Variants in TIAM1 observed in about 807,000 individuals in gnomAD.
TIAM1 encodes the protein TIAM Rac1 associated GEF 1, also known as rho guanine nucleotide exchange factor TIAM1.
TIAM1 carries 65 observed loss-of-function variants against 163.5 expected under a neutral mutation model. The observed-to-expected ratio is 0.40, with a 90% CI of 0.33 to 0.49. The LOEUF (loss-of-function observed/expected upper bound fraction) is 0.49. TIAM1 is among the 20% of genes least tolerant of loss of function. The pLI, the probability that TIAM1 is intolerant of heterozygous loss-of-function variation, is 0.77. For missense variants in TIAM1, 1,789 were observed against 2,044.7 expected (o/e 0.87, Z 2.41); for synonymous variants, 833 against 810.1 (o/e 1.03, Z -0.48).
intron 20 of TIAM1, among the ~76,000 whole-genome samples, chr21:31,145,245 G>A (rs1405192547): frequency 2.0e-5 from 3 of 152,170 alleles, no homozygotes. Context: ...CGTTAAGACT[G>A]TTTTTATCTG....
intron 8 of TIAM1, among the ~76,000 whole-genome samples, chr21:31,220,571 T>C (rs1356239281): frequency 6.6e-6 from 1 of 152,222 alleles, no homozygotes; most frequent in East Asian, 1.9e-4. Context: ...AAAGAGAAAT[T>C]CATACACCCA....
chr21:31,382,609 C>T lies in TIAM1; in HGVS notation c.-368-43187G>A, dbSNP rs143506710. On this transcript the variant is annotated intron_variant, in intron 2 of 28. Coordinates refer to the TIAM1 transcript ENST00000286827. ...CTCTCTGAAAAGGCAATTAATGAGA[C>T]GGATGTAGCACACTGAATGAGAGGA... Among the ~76,000 whole-genome samples, 176 of 152,242 alleles carry T rather than the reference C, an allele frequency of 1.2e-3. 1 individual carries two copies. The highest frequency in any genetic ancestry group is 1.8e-3 in the African/African-American group (75 of 41,550).
rs772529354 is a variant in TIAM1 at position 31,217,646 on chromosome 21, G to A, written c.2049C>T (p.Ser683=). 3 of 1,614,024 alleles carry A rather than the reference G, an allele frequency of 1.9e-6. No individual in the cohort carries two copies. The highest frequency in any genetic ancestry group is 3.3e-5 in the Admixed American group (2 of 60,000). The stretch of plus-strand genomic sequence containing the variant: ...TGCTCCTTCGCTTGCTCGCGGATCT[G>A]GACATGGCCTGAGTACGTCTTCTCA... The part of the protein sequence containing the change: ...TGVRRRTQAM[S]RSASKRRSRF... Residue 683 remains serine, a synonymous_variant, in exon 9 of 28, where the codon TCC becomes TCT. Coordinates refer to ENST00000541036, the MANE Select transcript of TIAM1 (RefSeq NM_001353694.2).
At chr21:31,127,328 T>C (rs1355260443) in intron 25 of TIAM1, among the ~76,000 whole-genome samples, 176 bp from the exon 26 acceptor site, 1 of 152,058 alleles carries the variant, frequency 6.6e-6, no homozygotes, top group Non-Finnish European at 1.5e-5. Flanking sequence ...GAAAGCTTAA[T>C]GGATGCAAAG....
chr21:31,132,829 G>A (rs1568884855), intron 23 of TIAM1, among the ~76,000 whole-genome samples: 2 of 152,174 alleles, frequency 1.3e-5, no homozygotes, highest in African/African-American at 4.8e-5. Context: ...CCAGCCTAAA[G>A]CATCCACTCT....
At chr21:31,475,801 C>T (rs2045918757) in intron 1 of TIAM1, among the ~76,000 whole-genome samples, 1 of 152,236 alleles carries the variant, frequency 6.6e-6, no homozygotes, top group Non-Finnish European at 1.5e-5. Flanking sequence ...GCCTGGAGTT[C>T]TCCTGAGCAA....
chr21:31,120,855 A>C lies in TIAM1; in HGVS notation c.4307-18T>G, dbSNP rs1235636399. ...GGCAGACACTGCACACACACACAAA[A>C]ATATAAAAATAAAACCCCCACATGC... On this transcript the variant is annotated intron_variant, in intron 27 of 27. Transcript: ENST00000541036. The surrounding 1 kb of genome is among the most constrained non-coding windows in gnomAD (Gnocchi z 4.2). 1 of 1,564,836 alleles carries C rather than the reference A, an allele frequency of 6.4e-7. No homozygotes were observed. The highest frequency in any genetic ancestry group is 8.6e-7 in the Non-Finnish European group (1 of 1,157,524).
chr21:31,470,278 T>C (rs2045694067), intron 1 of TIAM1, among the ~76,000 whole-genome samples: 2 of 152,176 alleles, frequency 1.3e-5, no homozygotes, highest in African/African-American at 4.8e-5. Flanking sequence ...GTGCTGGGAT[T>C]ACAGGTGTGA....
intron 5 of TIAM1, among the ~76,000 whole-genome samples, chr21:31,248,260 C>A (rs1418952248): frequency 6.6e-6 from 1 of 152,202 alleles, no homozygotes. Flanking sequence ...TTAGGGGACA[C>A]TCACCAATCC....
chr21:31,388,035 G>T (rs1157195746), intron 2 of TIAM1, among the ~76,000 whole-genome samples: 1 of 152,088 alleles, frequency 6.6e-6, no homozygotes, highest in Non-Finnish European at 1.5e-5. Context: ...CATGTGACAT[G>T]CCTGTTCCCG....
chr21:31,220,754 G>C (rs1434183074), intron 8 of TIAM1, among the ~76,000 whole-genome samples: 2 of 152,176 alleles, frequency 1.3e-5, no homozygotes, highest in African/African-American at 4.8e-5. Flanking sequence ...TTAGAAAAAG[G>C]GCTGGCAGAA....
Position 31,301,160 on chromosome 21 carries a change from T to C in TIAM1, c.-188-24252A>G, listed in dbSNP as rs2074481730. 3.3e-5 allele frequency among the ~76,000 whole-genome samples: 5 copies of C among 152,288 alleles called. No individual in the cohort carries two copies. The South Asian group carries it at 8.3e-4, about 25-fold the overall frequency. ...CCAGTGCTTAGGACAGGGGCGAGAATGGAAGTTGTATCAGCTCGAATGCAG... is the reference window on the plus strand; with the variant it reads ...CCAGTGCTTAGGACAGGGGCGAGAACGGAAGTTGTATCAGCTCGAATGCAG... On this transcript the variant is annotated intron_variant, in intron 2 of 27. Transcript: ENST00000541036.
intron 27 of TIAM1, among the ~76,000 whole-genome samples, chr21:31,121,045 G>A (rs2081983274): frequency 6.6e-6 from 1 of 152,146 alleles, no homozygotes; most frequent in African/African-American, 2.4e-5. Context: ...GGATGTTCTA[G>A]CAACTGATGC....
chr21:31,413,426 T>C (rs985234977), intron 2 of TIAM1, among the ~76,000 whole-genome samples: 12 of 151,956 alleles, frequency 7.9e-5, no homozygotes, highest in Non-Finnish European at 4.4e-5. Context: ...CATGCCAACA[T>C]GCCCGGCTAA....
chr21:31,235,553 T>C (rs2146678818), intron 6 of TIAM1, among the ~76,000 whole-genome samples: 1 of 152,254 alleles, frequency 6.6e-6, no homozygotes, highest in South Asian at 2.1e-4. Context: ...TGAGGGCAAA[T>C]ACAAGAAAAC....
rs558822305 is a variant in TIAM1 at position 31,427,790 on chromosome 21, C to T, written c.-369+36193G>A. ...TTGAGGCTGCAGTGAGCTGTGATCACACCAGTGCACTCCAGCCTGGACAAC... is the reference window on the plus strand; with the variant it reads ...TTGAGGCTGCAGTGAGCTGTGATCATACCAGTGCACTCCAGCCTGGACAAC... On this transcript the variant is annotated intron_variant, in intron 2 of 28. Transcript: ENST00000286827. Among the ~76,000 whole-genome samples, 8 of 151,630 alleles carry T rather than the reference C, an allele frequency of 5.3e-5. No homozygotes were observed. In the South Asian group the frequency reaches 1.7e-3, roughly 32 times the overall value.
chr21:31,461,409 G>A (rs182777132), intron 2 of TIAM1, among the ~76,000 whole-genome samples: 26 of 152,182 alleles, frequency 1.7e-4, no homozygotes, highest in Admixed American at 1.1e-3. Flanking sequence ...GTTTGAACCC[G>A]GGAGGCGGAG....
chr21:31,128,018 G>T (rs558410817), intron 25 of TIAM1, among the ~76,000 whole-genome samples: 88 of 152,262 alleles, frequency 5.8e-4, no homozygotes, highest in Non-Finnish European at 2.5e-4. Flanking sequence ...AAATAATTTT[G>T]AAGCTCTGTA....
At chr21:31,370,059 G>A (rs2076570487) in intron 2 of TIAM1, among the ~76,000 whole-genome samples, 1 of 152,190 alleles carries the variant, frequency 6.6e-6, no homozygotes, top group South Asian at 2.1e-4. Flanking sequence ...AAAGACAGTA[G>A]TCTATGAACC....
Sources: gnomAD v4.1 joint callset for allele counts (sites outside exome capture counted in the v4.1 genomes callset) on GRCh38, gnomAD v4.1.1 for gene constraint, Gnocchi (gnomAD v3.1) non-coding constraint, MANE v1.5 for transcripts, NCBI Gene and HGNC (gene_info 2026-07-23, HGNC 2026-07-21) for gene names.